Variants in MEGF6 observed in about 807,000 individuals in gnomAD.
MEGF6 encodes the protein multiple epidermal growth factor-like domains protein 6.
MEGF6 carries 184 observed loss-of-function variants against 207.1 expected under a neutral mutation model. The ratio of observed to expected loss-of-function variants is 0.89; its 90% CI spans 0.79 to 1.00. MEGF6 has a LOEUF of 1.00. Among genes scored for constraint, MEGF6 ranks in the 50% least tolerant of loss-of-function variants. MEGF6 has a pLI of 0.00. For synonymous variants in MEGF6, 1,038 were observed against 910.0 expected, an observed-to-expected ratio of 1.14 and a Z score of -2.53; for missense variants, 2,282 against 2,202.9, an observed-to-expected ratio of 1.04 and a Z score of -0.72.
the MEGF6 span, among the ~76,000 whole-genome samples, chr1:3,618,961 T>C: frequency 6.6e-6 from 1 of 152,220 alleles, no homozygotes. The surrounding 1 kb of genome is among the most constrained non-coding windows in gnomAD (Gnocchi z 4.7). Context: ...CTTTGGCACG[T>C]GGCCCCCTGA....
intron 10 of MEGF6, 69 bp downstream of exon 10, chr1:3,510,714 C>A (rs1309600788): frequency 6.5e-7 from 1 of 1,532,216 alleles, no homozygotes; most frequent in East Asian, 2.3e-5. Context: ...AGAGCCAGCC[C>A]CGTGTCCTTC....
At chr1:3,524,055 T>C (rs1641865404) in intron 5 of MEGF6, 69 bp downstream of exon 5, 3 of 1,549,062 alleles carry the variant, frequency 1.9e-6, no homozygotes, top group Non-Finnish European at 2.6e-6. Flanking sequence ...AGGCCAGGCC[T>C]GGGCACACCC....
intron 4 of MEGF6, among the ~76,000 whole-genome samples, chr1:3,533,975 C>T (rs1424095967): frequency 1.3e-5 from 2 of 152,206 alleles, no homozygotes; most frequent in East Asian, 1.9e-4. Context: ...GCCGCACCCT[C>T]AGGATCCCAT....
At chr1:3,499,021 G>C in intron 24 of MEGF6, 117 bp downstream of exon 24, 1 of 1,463,416 alleles carries the variant, frequency 6.8e-7, no homozygotes, top group Non-Finnish European at 9.2e-7. Context: ...ACGGTCCTCA[G>C]TCCTAACAGC....
At chr1:3,562,687 A>T (rs1374449871) in intron 4 of MEGF6, among the ~76,000 whole-genome samples, 1 of 152,202 alleles carries the variant, frequency 6.6e-6, no homozygotes, top group Non-Finnish European at 1.5e-5. Flanking sequence ...CCCAGGTCGG[A>T]GAGCCACTAC....
Position 3,560,487 on chromosome 1 carries a change from G to T in MEGF6, c.481+19338C>A, listed in dbSNP as rs1298496797. 6.6e-6 allele frequency among the ~76,000 whole-genome samples: 1 copy of T among 152,118 alleles called. No individual in the cohort carries two copies. The highest frequency in any genetic ancestry group is 1.5e-5 in the Non-Finnish European group (1 of 68,016). On this transcript the variant is annotated intron_variant, in intron 4 of 36. Coordinates refer to ENST00000356575, the MANE Select transcript of MEGF6 (RefSeq NM_001409.4). The surrounding 1 kb of genome is among the most constrained non-coding windows in gnomAD (Gnocchi z 4.0). Reference sequence around the variant, plus strand: ...CTTCCTCCCTCCTTCCTCACCCCTGGCACCTCTGCTGTCTCTACGGTGTGG... The same window carrying T: ...CTTCCTCCCTCCTTCCTCACCCCTGTCACCTCTGCTGTCTCTACGGTGTGG...
intron 3 of MEGF6, among the ~76,000 whole-genome samples, chr1:3,589,736 A>T (rs1643946441): frequency 6.6e-6 from 1 of 152,192 alleles, no homozygotes; most frequent in African/African-American, 2.4e-5. Context: ...ACCGTATGTC[A>T]AGTGGATCGC....
At chr1:3,514,766 A>G (rs995566538) in intron 6 of MEGF6, 94 bp from the exon 7 acceptor site, 1 of 1,350,886 alleles carries the variant, frequency 7.4e-7, no homozygotes, top group Non-Finnish European at 9.9e-7. Context: ...CCCCTCACCC[A>G]GTGCTCTCCC....
chr1:3,537,031 T>C (rs1475714251), intron 4 of MEGF6, among the ~76,000 whole-genome samples: 1 of 152,274 alleles, frequency 6.6e-6, no homozygotes, highest in Non-Finnish European at 1.5e-5. Context: ...CTGTCCACGC[T>C]GCCCTGGCCT....
Position 3,499,674 on chromosome 1 carries a change from C to G in MEGF6, c.2879G>C (p.Cys960Ser). ...GFFGLDCRSA[C>S]NCTAGAACDA... ...ACAGGCAGCTCCGGCGGTGCAGTTGCAGGCACTGCGACAGTCCAATCCAAA... is the reference window on the plus strand; with the variant it reads ...ACAGGCAGCTCCGGCGGTGCAGTTGGAGGCACTGCGACAGTCCAATCCAAA... The change falls in exon 23 of 37, where the codon TGC becomes TCC. Residue 960 changes from cysteine to serine, a missense_variant. Physicochemically the swap from Cys to Ser is moderately radical, Grantham distance 112. Coordinates refer to ENST00000356575, the MANE Select transcript of MEGF6 (RefSeq NM_001409.4). 1.2e-6 allele frequency: 2 copies of G among 1,600,318 alleles called. No individual in the cohort carries two copies. Among genetic ancestry groups the G allele is most frequent in the Non-Finnish European group, 1.7e-6 (2 of 1,174,584 alleles).
intron 4 of MEGF6, among the ~76,000 whole-genome samples, chr1:3,562,346 CTT>C (rs994426515): frequency 6.6e-6 from 1 of 152,220 alleles, no homozygotes; most frequent in African/African-American, 2.4e-5. Flanking sequence ...TTCTCTGTCT[CTT>C]TGTCTGTCTC....
At position 3,496,798 on chromosome 1, in the gene MEGF6, G is replaced by T; in HGVS notation, c.3614-15C>A. 1 of 1,551,446 alleles carries T rather than the reference G, an allele frequency of 6.4e-7. No individual in the cohort carries two copies. ...GGGCGGACATCCTGCAGGGAGAGGG[G>T]CTAGCTGCAGGGGCTGGGGCTGGAG... On this transcript the variant is annotated splice_polypyrimidine_tract_variant and intron_variant, in intron 28 of 36. Coordinates refer to ENST00000356575, the MANE Select transcript of MEGF6 (RefSeq NM_001409.4).
At chr1:3,548,645 C>T (rs1557768620) in intron 4 of MEGF6, among the ~76,000 whole-genome samples, 2 of 152,210 alleles carry the variant, frequency 1.3e-5, no homozygotes, top group African/African-American at 2.4e-5. Flanking sequence ...GACACTGGGG[C>T]CTTGAGGCCA....
At chr1:3,502,191 G>T (rs1378399343) in intron 17 of MEGF6, among the ~76,000 whole-genome samples, 1 of 148,192 alleles carries the variant, frequency 6.7e-6, no homozygotes, top group Non-Finnish European at 1.5e-5. Context: ...GAACAGGCAA[G>T]GGAGGAGTGA....
At chr1:3,494,530 G>A (rs762700292) in intron 31 of MEGF6, 31 bp from the exon 32 acceptor site, 163 of 1,576,398 alleles carry the variant, frequency 1.0e-4, no homozygotes, top group Admixed American at 3.4e-4. Context: ...GCAGTCCTTC[G>A]GCACCAGCCT....
chr1:3,602,334 G>C (rs1644173131), intron 2 of MEGF6, 132 bp downstream of exon 2: 1 of 1,355,056 alleles, frequency 7.4e-7, no homozygotes, highest in South Asian at 1.4e-5. Flanking sequence ...TCAGATGAGG[G>C]CTTCAGGCAG....
At chr1:3,520,571 ACAC>A (rs1641707761) in intron 5 of MEGF6, among the ~76,000 whole-genome samples, 1 of 151,814 alleles carries the variant, frequency 6.6e-6, no homozygotes, top group South Asian at 2.1e-4. Flanking sequence ...GCAATGGGGC[ACAC>A]CAGGACTGAG....
chr1:3,595,794 G>A (rs762061909), intron 2 of MEGF6, among the ~76,000 whole-genome samples: 6 of 152,138 alleles, frequency 3.9e-5, no homozygotes, highest in Admixed American at 1.3e-4. Context: ...CCGCTCACTC[G>A]GCTCTCAGTA....
chr1:3,624,770 G>GC, the MEGF6 span: 1 of 185,166 alleles, frequency 5.4e-6, no homozygotes, highest in African/African-American at 2.4e-5. Context: ...CTTCGGCCCC[G>GC]CCCCTTCTCG....
Sources: allele counts gnomAD v4.1 joint callset (sites outside exome capture counted in the v4.1 genomes callset), GRCh38; gene constraint gnomAD v4.1.1; non-coding constraint Gnocchi (gnomAD v3.1); transcripts MANE v1.5; gene names NCBI Gene and HGNC (gene_info 2026-07-23, HGNC 2026-07-21).